BYSL: variants seen among roughly 807,000 people sequenced by gnomAD.
BYSL encodes bystin.
BYSL carries 21 observed loss-of-function variants against 45.4 expected under a neutral mutation model. The ratio of observed to expected loss-of-function variants is 0.46; its 90% CI spans 0.33 to 0.67. The LOEUF is 0.67. Ranked by LOEUF, BYSL falls within the 30% of genes least tolerant of loss-of-function variation. The pLI is 0.02. For missense variants in BYSL, 522 were observed against 578.5 expected (o/e 0.90, Z 1.00); for synonymous variants, 215 against 231.3 (o/e 0.93, Z 0.64).
upstream of BYSL, chr6:41,916,761 A>T: frequency 1.9e-6 from 3 of 1,612,016 alleles, no homozygotes; most frequent in Non-Finnish European, 2.5e-6. Flanking sequence ...GGTTCCAGCC[A>T]TCCTACAGAC....
At position 41,932,371 on chromosome 6, in the gene BYSL, C is replaced by T. The variant is rs1775653306; in HGVS notation, c.979C>T (p.Leu327=). The T allele has an allele frequency of 1.2e-6, 2 of 1,609,794 alleles. No homozygotes were observed. ...IPVLHSSAAM[L]KIAEMEYSGA... ...TCCCTTTCCCACTAGTGCGGCCATG[C>T]TGAAAATTGCTGAGATGGAATACAG... The change falls in exon 7 of 7, where the codon CTG becomes TTG. Residue 327 remains leucine, a synonymous_variant. Transcript: ENST00000230340. The surrounding 1 kb of genome is among the most constrained non-coding windows in gnomAD (Gnocchi z 4.7).
chr6:41,928,242 C>T (rs1257667046), intron 2 of BYSL, among the ~76,000 whole-genome samples: 1 of 152,168 alleles, frequency 6.6e-6, no homozygotes, highest in Non-Finnish European at 1.5e-5. Flanking sequence ...GGATAAGGGT[C>T]CTCAACCAGT....
intron 5 of BYSL, 52 bp downstream of exon 5, chr6:41,931,608 A>G: frequency 6.2e-7 from 1 of 1,612,868 alleles, no homozygotes; most frequent in Non-Finnish European, 8.5e-7. Context: ...TTCTATGGGG[A>G]ACACAGCAGG....
At chr6:41,914,645 G>C in the BYSL span, among the ~76,000 whole-genome samples, 1 of 151,946 alleles carries the variant, frequency 6.6e-6, no homozygotes, top group South Asian at 2.1e-4. Context: ...CCTAAGCCCA[G>C]GAGTTAGAGC....
the BYSL span, chr6:41,909,285 C>T: frequency 5.0e-6 from 8 of 1,614,140 alleles, no homozygotes; most frequent in Admixed American, 5.0e-5. Flanking sequence ...AGAGATGCCC[C>T]GGGCACTGGG....
intron 1 of BYSL, among the ~76,000 whole-genome samples, chr6:41,922,920 C>A (rs1246830983): frequency 6.6e-6 from 1 of 152,116 alleles, no homozygotes; most frequent in Non-Finnish European, 1.5e-5. Flanking sequence ...AAACTTTAGA[C>A]TCCTCTCTCT....
the BYSL span, among the ~76,000 whole-genome samples, chr6:41,910,622 A>G: frequency 1.4e-5 from 2 of 144,394 alleles, no homozygotes; most frequent in Non-Finnish European, 3.0e-5. Context: ...ACAGAGCAAT[A>G]CTCTATCTCC....
At position 41,921,634 on chromosome 6, in the gene BYSL, G is replaced by T; in HGVS notation, c.72G>T (p.Leu24=). ...ATGCGCCCCTGGCCGATCAGATCCT[G>T]GCTGGGAATGCGGTGCGGGCGGGGG... ...EKHAPLADQI[L]AGNAVRAGVR... Residue 24 remains leucine (L), a synonymous_variant, in exon 1 of 7, where the codon CTG becomes CTT. Transcript: ENST00000230340. 6 of 1,613,610 alleles carry T rather than the reference G, an allele frequency of 3.7e-6. No individual in the cohort carries two copies. The highest frequency in any genetic ancestry group is 5.1e-6 in the Non-Finnish European group (6 of 1,179,828).
At chr6:41,917,288 T>C (rs143314835), upstream of BYSL, 303 of 173,632 alleles carry the variant, frequency 1.7e-3, 4 homozygotes, top group East Asian at 0.017. Context: ...TAATCCCAAC[T>C]ACGTGGGAGG....
chr6:41,911,106 CA>C, the BYSL span, among the ~76,000 whole-genome samples: 27,199 of 111,610 alleles, frequency 0.24, 2,781 homozygotes, highest in East Asian at 0.35. Flanking sequence ...GACTCCATCT[CA>C]AAAAAAAAAA....
upstream of BYSL, chr6:41,921,345 A>G: frequency 1.6e-6 from 1 of 638,754 alleles, no homozygotes; most frequent in Non-Finnish European, 2.6e-6. Context: ...AGAGAAGCTA[A>G]CGTTAAAGGC....
upstream of BYSL, chr6:41,918,042 T>G: frequency 3.5e-6 from 1 of 286,312 alleles, no homozygotes; most frequent in South Asian, 2.9e-5. Context: ...TTCTAAGGTT[T>G]CCTCCTATGG....
upstream of BYSL, among the ~76,000 whole-genome samples, chr6:41,920,426 A>C (rs1162687975): frequency 1.3e-5 from 2 of 152,324 alleles, no homozygotes; most frequent in African/African-American, 2.4e-5. Flanking sequence ...CCCTGTCTGC[A>C]GGTGGGTCAT....
chr6:41,931,730 A>G lies in BYSL; in HGVS notation c.868A>G (p.Ile290Val), dbSNP rs201550998. The change falls in exon 6 of 7, where the codon ATC becomes GTC. Residue 290 changes from isoleucine (I) to valine (V), a missense_variant and splice_region_variant. By Grantham distance (29) the Ile-to-Val change is conservative (BLOSUM62 3). Transcript: ENST00000230340. ...GGCTGCCCTTTGACTCTCCCTAGGG[A>G]TCCTGATTCCACTGTGCGAGTCTGG... ...LFKPGAWFKG[I>V]LIPLCESGTC... The G allele has an allele frequency of 2.5e-6, 4 of 1,613,850 alleles. No homozygotes were observed. The African/African-American group carries it at 5.3e-5, about 22-fold the overall frequency.
At chr6:41,922,788 TAACA>T (rs1775505595) in intron 1 of BYSL, among the ~76,000 whole-genome samples, 1 of 152,230 alleles carries the variant, frequency 6.6e-6, no homozygotes, top group South Asian at 2.1e-4. Flanking sequence ...ATTTGAAATC[TAACA>T]GACAGCTCAA....
At chr6:41,919,795 T>A (rs1237710894), upstream of BYSL, among the ~76,000 whole-genome samples, 1 of 152,214 alleles carries the variant, frequency 6.6e-6, no homozygotes, top group African/African-American at 2.4e-5. Flanking sequence ...GAGCAAGGGT[T>A]CCAGGGTTCT....
intron 1 of BYSL, among the ~76,000 whole-genome samples, chr6:41,925,235 A>C (rs901928014): frequency 6.6e-6 from 1 of 152,184 alleles, no homozygotes; most frequent in Admixed American, 6.5e-5. Context: ...TTTATCACAC[A>C]CTGCCTTTGT....
In BYSL at chr6:41,932,634, G is replaced by T; in HGVS notation, c.1242G>T (p.Ser414=). Residue 414 remains serine, a synonymous_variant, in exon 7 of 7, where the codon TCG becomes TCT. Coordinates refer to ENST00000230340, the MANE Select transcript of BYSL (RefSeq NM_004053.4). This position sits in a 1 kb window ranked among gnomAD's most constrained non-coding sequence, Gnocchi z 4.7. The stretch of plus-strand genomic sequence containing the variant: ...GGCTGCAGCCCCATCCACAGCTATC[G>T]CCCGAAATCAGGCGTGAGCTTCAGA... The part of the protein sequence containing the change: ...LLRLQPHPQL[S]PEIRRELQSA... 1 of 1,614,196 alleles carries T rather than the reference G, an allele frequency of 6.2e-7. No individual in the cohort carries two copies. Among genetic ancestry groups the T allele is most frequent in the Non-Finnish European group, 8.5e-7 (1 of 1,180,038 alleles).
At chr6:41,913,324 G>A in the BYSL span, among the ~76,000 whole-genome samples, 1 of 152,114 alleles carries the variant, frequency 6.6e-6, no homozygotes. Flanking sequence ...CTCACCCCAA[G>A]TTTATTGCTC....
Sources: gnomAD v4.1 joint callset for allele counts (sites outside exome capture counted in the v4.1 genomes callset) on GRCh38, gnomAD v4.1.1 for gene constraint, Gnocchi (gnomAD v3.1) non-coding constraint, MANE v1.5 for transcripts, NCBI Gene and HGNC (gene_info 2026-07-23, HGNC 2026-07-21) for gene names.